CADPS: variants seen among roughly 807,000 people sequenced by gnomAD.
CADPS encodes the protein calcium dependent secretion activator.
A neutral mutation model predicts 167.3 loss-of-function variants in CADPS; 57 were observed. The observed-to-expected ratio is 0.34, with a 90% CI of 0.28 to 0.42. CADPS has a LOEUF of 0.42. Among genes scored for constraint, CADPS ranks in the 20% least tolerant of loss-of-function variants. The pLI is 1.00. For synonymous variants in CADPS, 676 were observed against 635.3 expected (o/e 1.06, Z -0.96); for missense variants, 1,414 against 1,738.1 (o/e 0.81, Z 3.32).
chr3:62,611,238 C>A (rs1425606674), intron 6 of CADPS, among the ~76,000 whole-genome samples: 1 of 152,146 alleles, frequency 6.6e-6, no homozygotes, highest in Non-Finnish European at 1.5e-5. Flanking sequence ...CTTCCAGTTG[C>A]TTAGGCCCAA....
rs1292063481 is a variant in CADPS at position 62,842,256 on chromosome 3, T to A, written c.441+32333A>T. Among the ~76,000 whole-genome samples the A allele has an allele frequency of 3.3e-5, 5 of 152,248 alleles. No individual in the cohort carries two copies. In the East Asian group the frequency reaches 9.7e-4, roughly 29 times the overall value. On this transcript the variant is annotated intron_variant, in intron 1 of 29. Transcript: ENST00000383710. ...TAATTTTCAGAAGAACCCAGTGAGG[T>A]AGGCGCTATCATCCCTGTTTTTCAG...
Position 62,412,203 on chromosome 3 carries a change from A to G in CADPS, c.3778-9018T>C, listed in dbSNP as rs2049095020. Among the ~76,000 whole-genome samples the G allele has an allele frequency of 6.8e-6, 1 of 146,172 alleles. No individual in the cohort carries two copies. The highest frequency in any genetic ancestry group is 2.0e-4 in the East Asian group (1 of 4,956). ...CTTTGGATACCTGAAAACCCATGCCACTGAAGTCTTTACAAAGCTATCAGT... is the reference window on the plus strand; with the variant it reads ...CTTTGGATACCTGAAAACCCATGCCGCTGAAGTCTTTACAAAGCTATCAGT... On this transcript the variant is annotated intron_variant, in intron 28 of 29. Coordinates refer to ENST00000383710, the MANE Select transcript of CADPS (RefSeq NM_003716.4). The surrounding 1 kb of genome is among the most constrained non-coding windows in gnomAD (Gnocchi z 4.1).
At chr3:62,701,404 G>T (rs1047644519) in intron 3 of CADPS, among the ~76,000 whole-genome samples, 4 of 151,996 alleles carry the variant, frequency 2.6e-5, no homozygotes, top group Admixed American at 1.3e-4. Context: ...ACTGCTTCTG[G>T]ACTATGACAG....
At position 62,437,321 on chromosome 3, in the gene CADPS, T is replaced by G. The variant is rs997682020; in HGVS notation, c.3777+783A>C. On this transcript the variant is annotated intron_variant, in intron 28 of 29. Coordinates refer to ENST00000383710, the MANE Select transcript of CADPS (RefSeq NM_003716.4). ...CTTTGGCCTAAAAGAGATAGGCAAT[T>G]TGAGACTGAAGCAGGTTCCTTTTTT... 6.6e-5 allele frequency among the ~76,000 whole-genome samples: 10 copies of G among 151,416 alleles called. No individual in the cohort carries two copies. The East Asian group carries it at 1.9e-3, about 29-fold the overall frequency.
At position 62,399,298 on chromosome 3, in the gene CADPS, C is replaced by G; in HGVS notation, c.*108G>C. 9.9e-7 allele frequency: 1 copy of G among 1,013,616 alleles called. No individual in the cohort carries two copies. Among genetic ancestry groups the G allele is most frequent in the Admixed American group, 2.2e-5 (1 of 46,098 alleles). 62.8% of individuals were successfully genotyped at this position (1,013,616 alleles called of 1,614,324 possible). A position where few individuals can be genotyped will look rare whatever the true frequency, so the allele number is the denominator to read the frequency against. On this transcript the variant is annotated 3_prime_UTR_variant, in exon 30 of 30. Coordinates refer to ENST00000383710, the MANE Select transcript of CADPS (RefSeq NM_003716.4). The surrounding 1 kb of genome is among the most constrained non-coding windows in gnomAD (Gnocchi z 5.6). ...AAATGGCAGTTGTATTGATAAACAT[C>G]TCATGGGCATGGTAGTTGACAGAAA...
At chr3:62,707,638 A>G (rs2082573107) in intron 3 of CADPS, among the ~76,000 whole-genome samples, 1 of 152,178 alleles carries the variant, frequency 6.6e-6, no homozygotes, top group Non-Finnish European at 1.5e-5. Context: ...CACTTGAAAT[A>G]TGGCTAATCT....
chr3:62,454,882 G>A (rs1576298847), intron 26 of CADPS, among the ~76,000 whole-genome samples: 1 of 152,104 alleles, frequency 6.6e-6, no homozygotes, highest in East Asian at 1.9e-4. Flanking sequence ...GGGTAGTAAT[G>A]CCTCCTACAG....
chr3:62,844,302 G>C (rs1399724171), intron 1 of CADPS, among the ~76,000 whole-genome samples: 1 of 152,118 alleles, frequency 6.6e-6, no homozygotes, highest in Non-Finnish European at 1.5e-5. Flanking sequence ...TAAGGGAAGG[G>C]GAAATGGGAA....
chr3:62,536,688 G>T, intron 11 of CADPS, 107 bp from the exon 12 acceptor site: 1 of 1,121,182 alleles, frequency 8.9e-7, no homozygotes, highest in Non-Finnish European at 1.3e-6. Context: ...AACGTTAGCT[G>T]TTTCCCCGTT....
chr3:62,509,805 C>T (rs962771398), intron 17 of CADPS, among the ~76,000 whole-genome samples: 11 of 152,088 alleles, frequency 7.2e-5, no homozygotes, highest in Non-Finnish European at 1.3e-4. Flanking sequence ...TGACCTTATC[C>T]ACTGAATGAA....
chr3:62,592,339 G>T (rs891256903), intron 7 of CADPS, among the ~76,000 whole-genome samples: 2 of 152,140 alleles, frequency 1.3e-5, no homozygotes, highest in Admixed American at 6.5e-5. Context: ...GACAGTAAAA[G>T]ACATTACAAA....
chr3:62,599,880 TA>T (rs2059686991), intron 6 of CADPS, among the ~76,000 whole-genome samples: 1 of 68,410 alleles, frequency 1.5e-5, no homozygotes, highest in Non-Finnish European at 2.3e-5. Flanking sequence ...TAATATATAA[TA>T]TATATATATT....
chr3:62,627,735 A>AATTT (rs59306048), intron 6 of CADPS, among the ~76,000 whole-genome samples: 135,124 of 151,910 alleles, frequency 0.89, 61,277 homozygotes, highest in East Asian at 1. Flanking sequence ...AAGTTCTGGT[A>AATTT]ATTGAGTTTT....
chr3:62,805,009 AT>A (rs1469706023), intron 1 of CADPS, among the ~76,000 whole-genome samples: 1 of 152,132 alleles, frequency 6.6e-6, no homozygotes, highest in East Asian at 1.9e-4. Flanking sequence ...ACAGGGAAGG[AT>A]TTCTCACCTC....
At chr3:62,842,564 T>A (rs1318194727) in intron 1 of CADPS, among the ~76,000 whole-genome samples, 2 of 152,244 alleles carry the variant, frequency 1.3e-5, no homozygotes, top group Admixed American at 6.5e-5. Flanking sequence ...AGTGTTTTTA[T>A]TGCATGTCAG....
chr3:62,739,548 T>C (rs1220822586), intron 3 of CADPS, among the ~76,000 whole-genome samples: 1 of 152,230 alleles, frequency 6.6e-6, no homozygotes, highest in African/African-American at 2.4e-5. Context: ...TGATCCTTGT[T>C]AAATCTTTTT....
chr3:62,515,170 A>G (rs2068687353), intron 16 of CADPS, among the ~76,000 whole-genome samples: 1 of 152,038 alleles, frequency 6.6e-6, no homozygotes, highest in Non-Finnish European at 1.5e-5. Flanking sequence ...GAGGCAGACA[A>G]TGCGCATTTG....
intron 3 of CADPS, among the ~76,000 whole-genome samples, chr3:62,674,160 C>A (rs895979755): frequency 2.0e-5 from 3 of 151,990 alleles, no homozygotes; most frequent in Admixed American, 6.6e-5. Context: ...TATATGTGCA[C>A]GTGTGTAAGA....
intron 26 of CADPS, among the ~76,000 whole-genome samples, chr3:62,450,609 C>G (rs1298712557): frequency 6.6e-6 from 1 of 152,132 alleles, no homozygotes; most frequent in African/African-American, 2.4e-5. Context: ...CCCTCTTGTC[C>G]CCGACTCTCC....
Sources: allele counts gnomAD v4.1 joint callset (sites outside exome capture counted in the v4.1 genomes callset), GRCh38; gene constraint gnomAD v4.1.1; non-coding constraint Gnocchi (gnomAD v3.1); transcripts MANE v1.5; gene names NCBI Gene and HGNC (gene_info 2026-07-23, HGNC 2026-07-21).